Variants in CPED1 observed in about 807,000 individuals in gnomAD.
CPED1 encodes cadherin-like and PC-esterase domain-containing protein 1.
CPED1 carries 114 observed loss-of-function variants against 128.2 expected under a neutral mutation model. The ratio of observed to expected loss-of-function variants is 0.89; its 90% confidence interval spans 0.76 to 1.04. The LOEUF is 1.04. CPED1 is among the 50% of genes least tolerant of loss of function. The pLI is 0.00. For missense variants in CPED1, 1,211 were observed against 1,207.1 expected, an observed-to-expected ratio of 1.00 and a Z score of -0.05; for synonymous variants, 462 against 426.7, an observed-to-expected ratio of 1.08 and a Z score of -1.02.
intron 16 of CPED1, among the ~76,000 whole-genome samples, chr7:121,204,262 T>C (rs1257157965): frequency 3.9e-5 from 6 of 152,064 alleles, no homozygotes; most frequent in Non-Finnish European, 1.5e-5. Flanking sequence ...ACTGAGCAGA[T>C]TGGAAGTCTA....
At chr7:120,993,293 T>C (rs1796339099) in intron 2 of CPED1, among the ~76,000 whole-genome samples, 1 of 152,230 alleles carries the variant, frequency 6.6e-6, no homozygotes, top group South Asian at 2.1e-4. Context: ...CTCCTTAATA[T>C]ATGCTTCTTT....
chr7:121,135,638 T>TA (rs769535209), intron 13 of CPED1, among the ~76,000 whole-genome samples: 6 of 152,056 alleles, frequency 3.9e-5, no homozygotes, highest in Non-Finnish European at 8.8e-5. Flanking sequence ...AAATATGTAT[T>TA]AAGGAGTTTT....
At chr7:121,078,133 C>CT (rs113918039) in intron 5 of CPED1, among the ~76,000 whole-genome samples, 11,965 of 152,132 alleles carry the variant, frequency 0.079, 719 homozygotes, top group African/African-American at 0.17. Context: ...GCAATCTCCA[C>CT]TCCTGAGTTC....
intron 15 of CPED1, 93 bp downstream of exon 15, chr7:121,141,106 A>G: frequency 1.0e-6 from 1 of 994,536 alleles, no homozygotes; most frequent in Non-Finnish European, 1.4e-6. Flanking sequence ...AAGCTGATTC[A>G]TAAGATCAGT....
At chr7:121,160,084 T>C (rs1297572448) in intron 16 of CPED1, among the ~76,000 whole-genome samples, 1 of 147,924 alleles carries the variant, frequency 6.8e-6, no homozygotes, top group East Asian at 2.0e-4. Flanking sequence ...CCTATACACT[T>C]TACATCCAGA....
chr7:121,244,842 G>T (rs1011033442), intron 18 of CPED1, among the ~76,000 whole-genome samples: 13 of 152,128 alleles, frequency 8.5e-5, no homozygotes, highest in African/African-American at 3.1e-4. Flanking sequence ...TCCTGGGCAG[G>T]TCTCACATGG....
At chr7:121,085,635 A>G (rs188476163) in intron 5 of CPED1, among the ~76,000 whole-genome samples, 104 of 152,068 alleles carry the variant, frequency 6.8e-4, no homozygotes, top group African/African-American at 2.4e-3. Context: ...TCTTTAGGAG[A>G]GATTCCTTAC....
At chr7:120,995,480 T>A (rs578236072) in intron 2 of CPED1, among the ~76,000 whole-genome samples, 1 of 152,348 alleles carries the variant, frequency 6.6e-6, no homozygotes, top group South Asian at 2.1e-4. Flanking sequence ...GTTTTATACT[T>A]TTCCTTGATG....
At chr7:121,284,719 A>G (rs894170849) in intron 22 of CPED1, among the ~76,000 whole-genome samples, 2 of 152,232 alleles carry the variant, frequency 1.3e-5, no homozygotes, top group Non-Finnish European at 2.9e-5. Context: ...CATCCAAGTC[A>G]TGCTGATGCA....
intron 16 of CPED1, among the ~76,000 whole-genome samples, chr7:121,150,709 C>T (rs1354232357): frequency 6.6e-6 from 1 of 151,866 alleles, no homozygotes; most frequent in Non-Finnish European, 1.5e-5. Flanking sequence ...TCAGGTTGGG[C>T]ATTTTTATAA....
At chr7:121,236,629 G>A in intron 16 of CPED1, 85 bp from the exon 17 acceptor site, 1 of 707,962 alleles carries the variant, frequency 1.4e-6, no homozygotes, top group Non-Finnish European at 2.3e-6. Context: ...AAGGTTATTT[G>A]CCACATAAAG....
chr7:121,127,370 A>G (rs755618631), intron 10 of CPED1, 113 bp downstream of exon 10: 6 of 618,040 alleles, frequency 9.7e-6, no homozygotes, highest in Admixed American at 3.3e-5. Context: ...ATTAATTGGT[A>G]TCTATTATAT....
chr7:121,196,432 C>A (rs1797274681), intron 16 of CPED1, among the ~76,000 whole-genome samples: 1 of 151,984 alleles, frequency 6.6e-6, no homozygotes, highest in Non-Finnish European at 1.5e-5. Flanking sequence ...ATTAATAAAC[C>A]CATAAAACTC....
chr7:120,996,176 C>T (rs1316765051), intron 2 of CPED1, among the ~76,000 whole-genome samples: 2 of 151,982 alleles, frequency 1.3e-5, no homozygotes, highest in Non-Finnish European at 2.9e-5. Flanking sequence ...CCCAGCTACT[C>T]GAGAGGCCAA....
intron 16 of CPED1, among the ~76,000 whole-genome samples, chr7:121,146,771 A>G (rs548110670): frequency 5.9e-5 from 9 of 152,308 alleles, no homozygotes; most frequent in African/African-American, 1.7e-4. Flanking sequence ...TATGCTAACT[A>G]GAATTTGTAT....
intron 2 of CPED1, among the ~76,000 whole-genome samples, chr7:121,006,911 AG>A (rs1792029832): frequency 6.6e-6 from 1 of 152,148 alleles, no homozygotes; most frequent in Admixed American, 6.6e-5. Context: ...TAGGAGAAGC[AG>A]AAAAGGGAAA....
At chr7:120,993,525 G>T (rs1796343527) in intron 2 of CPED1, among the ~76,000 whole-genome samples, 1 of 152,102 alleles carries the variant, frequency 6.6e-6, no homozygotes, top group Non-Finnish European at 1.5e-5. Flanking sequence ...CAAATAAGTG[G>T]ATGTTCTCAT....
intron 22 of CPED1, among the ~76,000 whole-genome samples, chr7:121,279,420 A>G (rs116762718): frequency 0.012 from 1,769 of 152,108 alleles, 41 homozygotes; most frequent in African/African-American, 0.041. Context: ...AAAATACTTT[A>G]AAGACATAAA....
chr7:121,176,972 G>GACT lies in CPED1; in HGVS notation c.2055+34832_2055+34834dup, dbSNP rs140568544. 3.0e-3 allele frequency among the ~76,000 whole-genome samples: 449 copies of GACT among 152,184 alleles called. 1 individual carries two copies. The highest frequency in any genetic ancestry group is 0.011 in the African/African-American group (437 of 41,546). Reference sequence around the variant, plus strand: ...CTTTAAAGTAAATCTGTCATGTTCTGACTTGTAGCTACTTAATTTGACTGC... The same window carrying GACT: ...CTTTAAAGTAAATCTGTCATGTTCTGACTACTTGTAGCTACTTAATTTGACTGC... On this transcript the variant is annotated intron_variant, in intron 16 of 22. Coordinates refer to ENST00000310396, the MANE Select transcript of CPED1 (RefSeq NM_024913.5).
Sources: gnomAD v4.1 joint callset for allele counts (sites outside exome capture counted in the v4.1 genomes callset) on GRCh38, gnomAD v4.1.1 for gene constraint, MANE v1.5 for transcripts, NCBI Gene and HGNC (gene_info 2026-07-23, HGNC 2026-07-21) for gene names.